TNK2: variants seen among roughly 807,000 people sequenced by gnomAD.
TNK2 encodes the protein activated CDC42 kinase 1.
A neutral mutation model predicts 101.8 loss-of-function variants in TNK2; 83 were observed. That is an observed-to-expected ratio of 0.82 (90% CI 0.68 to 0.98). The LOEUF (loss-of-function observed/expected upper bound fraction) is 0.98, where lower values mean the gene tolerates loss of function less well. Ranked by LOEUF, TNK2 falls within the 50% of genes least tolerant of loss-of-function variation. TNK2 has a pLI of 0.00. For synonymous variants in TNK2, 804 were observed against 633.0 expected (o/e 1.27, Z -4.06); for missense variants, 1,665 against 1,483.2 (o/e 1.12, Z -2.01).
Position 195,882,636 on chromosome 3 carries a change from T to A in TNK2, c.610-308A>T. Reference sequence around the variant, plus strand: ...ACTTTGGGAGGCCGAGGTGGGTGGATCATTTGAGGTCAGGAGTTTGAGACC... The same window carrying A: ...ACTTTGGGAGGCCGAGGTGGGTGGAACATTTGAGGTCAGGAGTTTGAGACC... On this transcript the variant is annotated intron_variant, in intron 5 of 15. Coordinates refer to ENST00000672887, the MANE Select transcript of TNK2 (RefSeq NM_001382273.1). The surrounding 1 kb of genome is among the most constrained non-coding windows in gnomAD (Gnocchi z 4.2). 1.1e-6 allele frequency: 1 copy of A among 873,246 alleles called. No homozygotes were observed. Among genetic ancestry groups the A allele is most frequent in the Non-Finnish European group, 1.7e-6 (1 of 594,266 alleles). The allele number at this position is 873,246 out of a possible 1,614,324, so 54.1% of individuals were successfully genotyped here.
rs1750799640 is a variant in TNK2 at position 195,878,752 on chromosome 3, G to T, written c.1015-160C>A. 6.6e-6 allele frequency among the ~76,000 whole-genome samples: 1 copy of T among 152,220 alleles called. No individual in the cohort carries two copies. Among genetic ancestry groups the T allele is most frequent in the Non-Finnish European group, 1.5e-5 (1 of 68,034 alleles). ...GGGAGGGGCCCTCTCCAGAGCCCCA[G>T]TCCCTTCTTCCCAGGTCTGGAGCCT... On this transcript the variant is annotated intron_variant, in intron 7 of 15. Transcript: ENST00000672887. The surrounding 1 kb of genome is among the most constrained non-coding windows in gnomAD (Gnocchi z 4.7).
intron 1 of TNK2, among the ~76,000 whole-genome samples, chr3:195,907,664 C>G (rs559815917): frequency 6.6e-6 from 1 of 152,330 alleles, no homozygotes; most frequent in African/African-American, 2.4e-5. Flanking sequence ...GTCAACAAGC[C>G]AAATACAGCC....
chr3:195,876,841 A>C (rs1749670093), intron 9 of TNK2: 4 of 358,088 alleles, frequency 1.1e-5, no homozygotes, highest in South Asian at 8.2e-5. Flanking sequence ...GGTGACCTAA[A>C]ACACCAGCTC....
At chr3:195,892,809 T>G in intron 1 of TNK2, 1 of 947,358 alleles carries the variant, frequency 1.1e-6, no homozygotes, top group Non-Finnish European at 1.2e-6. Flanking sequence ...CCCTCCCTCT[T>G]GCCTGCCTCT....
At chr3:195,870,647 G>A (rs927849348) in intron 10 of TNK2, among the ~76,000 whole-genome samples, 6 of 152,242 alleles carry the variant, frequency 3.9e-5, no homozygotes, top group Non-Finnish European at 5.9e-5. Context: ...GGAGAGGCTG[G>A]GCCACCTGTC....
In TNK2 at chr3:195,867,259, C is replaced by T; in HGVS notation, c.2943G>A (p.Gln981=). The T allele has an allele frequency of 6.2e-7, 1 of 1,611,554 alleles. No individual in the cohort carries two copies. The highest frequency in any genetic ancestry group is 1.1e-5 in the South Asian group (1 of 91,014). Residue 981 remains glutamine (Q), a synonymous_variant, in exon 14 of 16, where the codon CAG becomes CAA. Transcript: ENST00000672887. The stretch of plus-strand genomic sequence containing the variant: ...CTGTGGTCACCCCATGCACCATGGC[C>T]TGCAGCTGGGCACACCCACCCCTGT... ...GRPADKIQML[Q]AMVHGVTTEE... is the part of the protein sequence containing the mutation.
In TNK2 at chr3:195,878,472, C is replaced by T; in HGVS notation, c.1135G>A (p.Val379Met). ...AHKPEDRPTF[V>M]ALRDFLLEAQ... is the part of the protein sequence containing the mutation. ...TCCAGCAGGAAGTCCCGCAGGGCCA[C>T]AAACGTGGGTCTGTCCTCTGGCTTG... Residue 379 changes from valine (V) to methionine (M), a missense_variant, in exon 8 of 16, where the codon GTG becomes ATG. Val to Met is a conservative substitution (Grantham distance 21). Coordinates refer to ENST00000672887, the MANE Select transcript of TNK2 (RefSeq NM_001382273.1). The surrounding 1 kb of genome is among the most constrained non-coding windows in gnomAD (Gnocchi z 4.7). 1 of 1,614,000 alleles carries T rather than the reference C, an allele frequency of 6.2e-7. No individual in the cohort carries two copies. The highest frequency in any genetic ancestry group is 1.7e-5 in the Admixed American group (1 of 60,028).
chr3:195,888,845 G>A lies in TNK2; in HGVS notation c.-18-239C>T, dbSNP rs1158780034. Among the ~76,000 whole-genome samples, 1 of 152,114 alleles carries A rather than the reference G, an allele frequency of 6.6e-6. No individual in the cohort carries two copies. The highest frequency in any genetic ancestry group is 2.4e-5 in the African/African-American group (1 of 41,396). ...CCTGGCCCTGGAGTCAGGAGTCAGG[G>A]TCTTGCTCCCGAAATGTGATCTGTG... is the stretch of plus-strand genomic sequence containing the variant. On this transcript the variant is annotated intron_variant, in intron 1 of 15. Transcript: ENST00000672887. The surrounding 1 kb of genome is among the most constrained non-coding windows in gnomAD (Gnocchi z 5.3).
intron 9 of TNK2, among the ~76,000 whole-genome samples, chr3:195,873,944 G>A (rs762423468): frequency 6.6e-6 from 1 of 152,192 alleles, no homozygotes; most frequent in African/African-American, 2.4e-5. Flanking sequence ...CCTGCCTGCA[G>A]GGAGGGAAGG....
chr3:195,877,969 C>T (rs1019961474), intron 9 of TNK2, among the ~76,000 whole-genome samples: 4 of 152,136 alleles, frequency 2.6e-5, no homozygotes, highest in Non-Finnish European at 4.4e-5. Context: ...CTGCTGCCAC[C>T]GAGGCCAGGC....
At position 195,871,516 on chromosome 3, in the gene TNK2, G is replaced by T. The variant is rs571646757; in HGVS notation, c.1451+760C>A. The stretch of plus-strand genomic sequence containing the variant: ...CAGGAGAAGGAAAACCACTGCTCGT[G>T]TGCAGGGGTCACAGGGTCACAGGGT... On this transcript the variant is annotated intron_variant, in intron 10 of 15. Coordinates refer to ENST00000672887, the MANE Select transcript of TNK2 (RefSeq NM_001382273.1). Among the ~76,000 whole-genome samples, 47 of 152,272 alleles carry T rather than the reference G, an allele frequency of 3.1e-4. No individual in the cohort carries two copies. The South Asian group carries it at 9.1e-3, about 30-fold the overall frequency.
intron 1 of TNK2, among the ~76,000 whole-genome samples, chr3:195,890,851 G>C (rs190642022): frequency 7.2e-4 from 109 of 152,254 alleles, no homozygotes; most frequent in African/African-American, 2.5e-3. Context: ...GTCAGTGAAG[G>C]CAACCCCCTC....
In TNK2 at chr3:195,866,976, T is replaced by G; in HGVS notation, c.3074A>C (p.Glu1025Ala). ...LFGLGLRPRGECHKVLEMFDW... is the reference protein window; with the variant it reads ...LFGLGLRPRGACHKVLEMFDW... Reference sequence around the variant, plus strand: ...GAACATCTCCAGCACTTTGTGGCACTCCCCTCTGGGCCGCAGACCCAGCCC... The same window carrying G: ...GAACATCTCCAGCACTTTGTGGCACGCCCCTCTGGGCCGCAGACCCAGCCC... The change falls in exon 15 of 16, where the codon GAG (glutamate) becomes GCG (alanine). Residue 1025 changes from glutamate to alanine, a missense_variant. Physicochemically the swap from Glu to Ala is moderately radical, Grantham distance 107. This residue lies in a region of TNK2 where 1,136 missense variants were observed against 894.9 expected (regional missense o/e 1.27). Coordinates refer to ENST00000672887, the MANE Select transcript of TNK2 (RefSeq NM_001382273.1). The G allele has an allele frequency of 6.2e-7, 1 of 1,613,050 alleles. No individual in the cohort carries two copies. The highest frequency in any genetic ancestry group is 8.5e-7 in the Non-Finnish European group (1 of 1,179,876).
At chr3:195,883,566 C>G in intron 4 of TNK2, 1 of 474,178 alleles carries the variant, frequency 2.1e-6, no homozygotes, top group Non-Finnish European at 3.9e-6. Context: ...AAATACCAAC[C>G]AAAAAGTAAG....
At position 195,868,431 on chromosome 3, in the gene TNK2, G is replaced by T; in HGVS notation, c.1867C>A (p.Pro623Thr). The T allele has an allele frequency of 6.4e-7, 1 of 1,567,978 alleles. No individual in the cohort carries two copies. Among genetic ancestry groups the T allele is most frequent in the Non-Finnish European group, 8.6e-7 (1 of 1,165,440 alleles). The change falls in exon 13 of 16, where the codon CCC becomes ACC. Residue 623 changes from proline to threonine, a missense_variant. Pro to Thr is a conservative substitution (Grantham distance 38, BLOSUM62 -1). Coordinates refer to ENST00000672887, the MANE Select transcript of TNK2 (RefSeq NM_001382273.1). Reference sequence around the variant, plus strand: ...AGGGGCCGGGGCAGTGCCCGCGTGGGGCTCTGAGGCGGGGTCTCGTCCAGC... The same window carrying T: ...AGGGGCCGGGGCAGTGCCCGCGTGGTGCTCTGAGGCGGGGTCTCGTCCAGC... The part of the protein sequence containing the change: ...SLLDETPPQS[P>T]TRALPRPLHP...
intron 1 of TNK2, among the ~76,000 whole-genome samples, chr3:195,904,228 G>T (rs79057146): frequency 0.075 from 11,269 of 149,764 alleles, 1,173 homozygotes; most frequent in African/African-American, 0.24. Context: ...ACTGCTCTCC[G>T]GCCTGGGAGA....
rs548667275 is a variant in TNK2, at chr3:195,902,745, T to C, written c.-19+5740A>G. On this transcript the variant is annotated intron_variant, in intron 1 of 15. Transcript: ENST00000672887. ...ATGAAAAACCTATAGCTAATACCAC[T>C]TTTTTTTGTTTTGTTTTGTCTTGTG... Among the ~76,000 whole-genome samples the C allele has an allele frequency of 7.3e-5, 11 of 150,590 alleles. No individual in the cohort carries two copies. The East Asian group carries it at 2.1e-3, about 29-fold the overall frequency.
chr3:195,868,348 A>G lies in TNK2; in HGVS notation c.1950T>C (p.Tyr650=). The part of the protein sequence containing the change: ...DARPLPPPPA[Y]DDVAQDEDDF... ...CATCCTCATCCTGGGCCACGTCGTCATAGGCGGGCGGGGGGGGCAGCGGGC... is the reference window on the plus strand; with the variant it reads ...CATCCTCATCCTGGGCCACGTCGTCGTAGGCGGGCGGGGGGGGCAGCGGGC... The change falls in exon 13 of 16, where the codon TAT becomes TAC. Residue 650 remains tyrosine (Y), a synonymous_variant. Transcript: ENST00000672887. 3 of 1,599,178 alleles carry G rather than the reference A, an allele frequency of 1.9e-6. No individual in the cohort carries two copies. The highest frequency in any genetic ancestry group is 2.5e-6 in the Non-Finnish European group (3 of 1,177,872).
chr3:195,869,189 G>A (rs1393673206), intron 12 of TNK2: 14 of 571,558 alleles, frequency 2.4e-5, no homozygotes, highest in Non-Finnish European at 4.1e-5. Context: ...AGCGCCTGCA[G>A]GTCTGGGAGG....
Sources: allele counts gnomAD v4.1 joint callset (sites outside exome capture counted in the v4.1 genomes callset), GRCh38; gene constraint gnomAD v4.1.1; regional missense constraint gnomAD v4.1.1; non-coding constraint Gnocchi (gnomAD v3.1); transcripts MANE v1.5; gene names NCBI Gene and HGNC (gene_info 2026-07-23, HGNC 2026-07-21).